The following EXD3 variants were observed in gnomAD, a reference collection of about 807,000 sequenced individuals.
The protein encoded by EXD3 is exonuclease mut-7 homolog.
In EXD3, 92 loss-of-function variants were observed where a neutral mutation model predicts 98.0. The ratio of observed to expected loss-of-function variants is 0.94; its 90% CI spans 0.79 to 1.12. EXD3 has a LOEUF of 1.12. Ranked by LOEUF, EXD3 falls within the 50% of genes most tolerant of loss-of-function variation. The pLI, the probability that EXD3 is intolerant of heterozygous loss-of-function variation, is 0.00. For missense variants in EXD3, 1,222 were observed against 1,191.6 expected (o/e 1.03, Z -0.38); for synonymous variants, 569 against 526.0 (o/e 1.08, Z -1.12).
rs201408719 is a variant in EXD3 at position 137,395,954 on chromosome 9, TTTTCTTTC to T, written c.-47-558_-47-551del. Among the ~76,000 whole-genome samples, 42 of 150,280 alleles carry T rather than the reference TTTTCTTTC, an allele frequency of 2.8e-4. No individual in the cohort carries two copies. Among genetic ancestry groups the T allele is most frequent in the African/African-American group, 1.0e-3 (42 of 40,536 alleles). On this transcript the variant is annotated intron_variant, in intron 1 of 21. Coordinates refer to ENST00000340951, the MANE Select transcript of EXD3 (RefSeq NM_017820.5). The surrounding 1 kb of genome is among the most constrained non-coding windows in gnomAD (Gnocchi z 6.5). ...GTCTCCCTCAGAGTGTTTTTTTTTC[TTTTCTTTC>T]TTTCTTTCTTTTTTTTTTTTTTGGA...
intron 19 of EXD3, among the ~76,000 whole-genome samples, chr9:137,316,980 C>T (rs1477061228): frequency 6.6e-6 from 1 of 152,152 alleles, no homozygotes; most frequent in Non-Finnish European, 1.5e-5. Context: ...CTTCTCCTCT[C>T]CCCACTTCAG....
At chr9:137,374,513 A>G in intron 3 of EXD3, 1 of 973,974 alleles carries the variant, frequency 1.0e-6, no homozygotes, top group Non-Finnish European at 1.2e-6. Context: ...CTTTGAAAGC[A>G]CTTGCTCCGG....
At chr9:137,384,594 G>A (rs1190724337) in intron 2 of EXD3, among the ~76,000 whole-genome samples, 1 of 152,212 alleles carries the variant, frequency 6.6e-6, no homozygotes, top group Non-Finnish European at 1.5e-5. Flanking sequence ...AAGGAAAACA[G>A]AAACATCAGG....
chr9:137,379,528 G>A (rs199973359), intron 3 of EXD3, among the ~76,000 whole-genome samples: 106 of 150,768 alleles, frequency 7.0e-4, no homozygotes, highest in Non-Finnish European at 8.9e-4. Context: ...GGAATGGGGC[G>A]TCTGTGTGAG....
At chr9:137,360,002 A>G (rs971688460) in intron 7 of EXD3, among the ~76,000 whole-genome samples, 1 of 87,128 alleles carries the variant, frequency 1.1e-5, no homozygotes, top group African/African-American at 3.2e-5. Context: ...TGTCTGCACC[A>G]GTGCACATCC....
chr9:137,324,821 T>A lies in EXD3; in HGVS notation c.1999-678A>T, dbSNP rs1275949846. ...CATTCTCCTGCCTCAGCCTCCCAAG[T>A]AGCTAGGACTACAGGCGCCAGCCAC... On this transcript the variant is annotated intron_variant, in intron 17 of 21. Coordinates refer to ENST00000340951, the MANE Select transcript of EXD3 (RefSeq NM_017820.5). The surrounding 1 kb of genome is among the most constrained non-coding windows in gnomAD (Gnocchi z 4.1). 6.6e-6 allele frequency among the ~76,000 whole-genome samples: 1 copy of A among 152,136 alleles called. No individual in the cohort carries two copies. Among genetic ancestry groups the A allele is most frequent in the East Asian group, 1.9e-4 (1 of 5,188 alleles).
chr9:137,397,256 C>T (rs7469429), intron 1 of EXD3, among the ~76,000 whole-genome samples: 36,119 of 152,044 alleles, frequency 0.24, 4,678 homozygotes, highest in Non-Finnish European at 0.28. Flanking sequence ...CCACGAAAGC[C>T]GGAGGACAGA....
At chr9:137,315,726 C>A (rs1335873265) in intron 19 of EXD3, among the ~76,000 whole-genome samples, 1 of 152,078 alleles carries the variant, frequency 6.6e-6, no homozygotes, top group Non-Finnish European at 1.5e-5. Context: ...TGTTAGCAAG[C>A]GCCTGTGTTT....
Position 137,307,592 on chromosome 9 carries a change from C to T in EXD3, c.2317+16G>A, listed in dbSNP as rs368831633. The T allele has an allele frequency of 3.2e-5, 51 of 1,608,866 alleles. No homozygotes were observed. Among genetic ancestry groups the T allele is most frequent in the Admixed American group, 1.0e-4 (6 of 59,906 alleles). On this transcript the variant is annotated intron_variant, in intron 21 of 21. Transcript: ENST00000340951. ...GAGAAGCAGCTGTGTCCTTGGTGGG[C>T]GGTCCCGGGGCTCACCTGGCTCCTG...
intron 1 of EXD3, among the ~76,000 whole-genome samples, chr9:137,416,782 G>A (rs1032384787): frequency 1.3e-5 from 2 of 151,950 alleles, no homozygotes; most frequent in Non-Finnish European, 1.5e-5. Flanking sequence ...AGGCCGTCCC[G>A]CAGCCTAGCC....
At chr9:137,379,816 T>C (rs1410023494) in intron 3 of EXD3, among the ~76,000 whole-genome samples, 1 of 151,938 alleles carries the variant, frequency 6.6e-6, no homozygotes, top group Non-Finnish European at 1.5e-5. Context: ...ACAGCCCGCC[T>C]TCCCTCACTC....
At chr9:137,415,620 C>G (rs944602561) in intron 1 of EXD3, among the ~76,000 whole-genome samples, 4 of 152,214 alleles carry the variant, frequency 2.6e-5, no homozygotes, top group African/African-American at 7.2e-5. Flanking sequence ...CATGGGACAG[C>G]TGCAAGGACG....
intron 17 of EXD3, among the ~76,000 whole-genome samples, chr9:137,327,820 A>T: frequency 6.7e-6 from 1 of 150,372 alleles, no homozygotes; most frequent in East Asian, 1.9e-4. Context: ...AAAACAACTA[A>T]TATACACCCA....
rs193106160 is a variant in EXD3 at position 137,307,507 on chromosome 9, C to A, written c.2317+101G>T. 6.8e-4 allele frequency: 1,005 copies of A among 1,471,876 alleles called. 2 individuals are homozygous for A. In the African/African-American group the frequency reaches 0.012, roughly 18 times the overall value. 91.2% of individuals were successfully genotyped at this position (1,471,876 alleles called of 1,614,324 possible). ...GGCCTACAGGAGCCCCACAGAGCCCCCTCTGCCCGGCCGGGACCCAAGTCC... is the reference window on the plus strand; with the variant it reads ...GGCCTACAGGAGCCCCACAGAGCCCACTCTGCCCGGCCGGGACCCAAGTCC... On this transcript the variant is annotated intron_variant, in intron 21 of 21. Transcript: ENST00000340951.
intron 19 of EXD3, among the ~76,000 whole-genome samples, chr9:137,314,191 G>A (rs932642237): frequency 1.3e-5 from 2 of 152,204 alleles, no homozygotes; most frequent in African/African-American, 4.8e-5. Flanking sequence ...CCTGCCCGCC[G>A]AGGCCTGGGT....
intron 1 of EXD3, among the ~76,000 whole-genome samples, chr9:137,401,918 G>A (rs536575267): frequency 1.4e-4 from 22 of 152,336 alleles, no homozygotes; most frequent in East Asian, 3.8e-4. Context: ...TTCTGCAGCC[G>A]GCTTGAATTT....
chr9:137,355,277 C>G (rs1834571533), intron 8 of EXD3, among the ~76,000 whole-genome samples: 1 of 152,148 alleles, frequency 6.6e-6, no homozygotes, highest in African/African-American at 2.4e-5. Flanking sequence ...CTGGCTGAGC[C>G]CTTTTCCCCC....
intron 7 of EXD3, chr9:137,365,819 T>C (rs1835213635): frequency 5.9e-6 from 2 of 340,054 alleles, no homozygotes; most frequent in African/African-American, 2.4e-5. Flanking sequence ...ACACATCATA[T>C]GCACGCAGAC....
intron 9 of EXD3, 66 bp from the exon 10 acceptor site, chr9:137,354,443 G>A: frequency 6.2e-7 from 1 of 1,606,590 alleles, no homozygotes; most frequent in South Asian, 1.1e-5. Context: ...GGCCTGGTGG[G>A]AGTTTTCCTC....
Sources: allele counts gnomAD v4.1 joint callset (sites outside exome capture counted in the v4.1 genomes callset), GRCh38; gene constraint gnomAD v4.1.1; non-coding constraint Gnocchi (gnomAD v3.1); transcripts MANE v1.5; gene names NCBI Gene and HGNC (gene_info 2026-07-23, HGNC 2026-07-21).